IGSF22: variants seen among roughly 807,000 people sequenced by gnomAD.
IGSF22 encodes the protein immunoglobulin superfamily, member 22.
IGSF22 carries 119 observed loss-of-function variants against 127.0 expected under a neutral mutation model. The observed-to-expected ratio is 0.94, with a 90% confidence interval of 0.81 to 1.09. The LOEUF (loss-of-function observed/expected upper bound fraction) is 1.09. IGSF22 is among the 50% of genes least tolerant of loss of function. The pLI is 0.00. For synonymous variants in IGSF22, 568 were observed against 664.7 expected (o/e 0.85, Z 2.24); for missense variants, 1,518 against 1,716.6 (o/e 0.88, Z 2.04).
chr11:18,710,252 C>T lies in IGSF22; in HGVS notation c.2701+75G>A, dbSNP rs149863874. On this transcript the variant is annotated intron_variant, in intron 17 of 22. Coordinates refer to ENST00000513874, the MANE Select transcript of IGSF22 (RefSeq NM_173588.4). ...TGTGATACCTCGTGTCATACTTTCC[C>T]GGGGAAGAAATTCTTTCTCTACTTT... is the stretch of plus-strand genomic sequence containing the variant. 1.6e-5 allele frequency: 25 copies of T among 1,576,654 alleles called. No homozygotes were observed. The African/African-American group carries it at 2.3e-4, about 14-fold the overall frequency.
chr11:18,714,456 C>T (rs1848421193), intron 12 of IGSF22, 38 bp from the exon 13 acceptor site: 1 of 1,614,014 alleles, frequency 6.2e-7, no homozygotes, highest in African/African-American at 1.3e-5. Context: ...GAGCATAGGC[C>T]AGGTCTACCT....
rs777557395 is a variant in IGSF22, at chr11:18,716,926, G to A, written c.1048C>T (p.Arg350Cys). 29 of 1,614,142 alleles carry A rather than the reference G, an allele frequency of 1.8e-5. No individual in the cohort carries two copies. Among genetic ancestry groups the A allele is most frequent in the Admixed American group, 1.5e-4 (9 of 60,018 alleles). The stretch of plus-strand genomic sequence containing the variant: ...AAGTTGGGCTCTTTCTTGGAGAGGC[G>A]GATCTCAAACACAGCTGTCTGGCGC... ...TERQTAVFEIRLSKKEPNFVW... is the reference protein window; with the variant it reads ...TERQTAVFEICLSKKEPNFVW... The change falls in exon 10 of 23, where the codon CGC (arginine) becomes TGC (cysteine). Residue 350 changes from arginine (R) to cysteine (C), a missense_variant. Coordinates refer to ENST00000513874, the MANE Select transcript of IGSF22 (RefSeq NM_173588.4). The surrounding 1 kb of genome is among the most constrained non-coding windows in gnomAD (Gnocchi z 4.5).
rs764141599 is a variant in IGSF22, at chr11:18,714,577, T to A, written c.1579A>T (p.Thr527Ser). ...ACACACAACTCAGCTGGGCTCCCAG[T>A]GGCCGCGTGCACGTCGGACATCCCG... is the stretch of plus-strand genomic sequence containing the variant. ...KSGMSDVHAA[T>S]GSPAELCVVL... The change falls in exon 12 of 23, where the codon ACT becomes TCT. Residue 527 changes from threonine (T) to serine (S), a missense_variant. Around this residue, in one of 3 missense-constraint regions of IGSF22, gnomAD observed 1,456 missense variants for 1,644.9 expected, o/e 0.89. Coordinates refer to ENST00000513874, the MANE Select transcript of IGSF22 (RefSeq NM_173588.4). 4 of 1,614,042 alleles carry A rather than the reference T, an allele frequency of 2.5e-6. No homozygotes were observed. The highest frequency in any genetic ancestry group is 2.5e-6 in the Non-Finnish European group (3 of 1,180,034).
At chr11:18,722,883 A>C (rs1848597852) in intron 2 of IGSF22, among the ~76,000 whole-genome samples, 1 of 152,208 alleles carries the variant, frequency 6.6e-6, no homozygotes, top group Non-Finnish European at 1.5e-5. Context: ...AAGAGGTCTC[A>C]AACAGGCAGA....
chr11:18,712,020 T>C lies in IGSF22; in HGVS notation c.2398+62A>G, dbSNP rs1848366098. The C allele has an allele frequency of 2.2e-6, 3 of 1,393,826 alleles. No individual in the cohort carries two copies. The African/African-American group carries it at 4.3e-5, about 20-fold the overall frequency. 86.3% of individuals were successfully genotyped at this position (1,393,826 alleles called of 1,614,324 possible). ...TTCCCCACAGATCAGTGTTCCTTCC[T>C]GGCTTAAGGTCTCCATGCTGACCCC... On this transcript the variant is annotated intron_variant, in intron 15 of 22. Transcript: ENST00000513874.
At chr11:18,705,764 C>T in intron 22 of IGSF22, 53 bp downstream of exon 22, 1 of 1,458,658 alleles carries the variant, frequency 6.9e-7, no homozygotes, top group Non-Finnish European at 9.2e-7. Context: ...CCCACAAGAC[C>T]AGCCTTTTGC....
At chr11:18,705,738 A>G in intron 22 of IGSF22, 79 bp downstream of exon 22, 2 of 1,309,578 alleles carry the variant, frequency 1.5e-6, no homozygotes, top group Non-Finnish European at 2.1e-6. Flanking sequence ...GTGCCAGCCA[A>G]ATAGTTGACC....
chr11:18,720,006 G>C, intron 6 of IGSF22, 58 bp downstream of exon 6: 1 of 1,611,730 alleles, frequency 6.2e-7, no homozygotes, highest in Non-Finnish European at 8.5e-7. Flanking sequence ...AGGCCTTTGA[G>C]AGGCTTTGGC....
intron 20 of IGSF22, 107 bp downstream of exon 20, chr11:18,707,697 C>A (rs2134157355): frequency 3.4e-6 from 3 of 886,424 alleles, no homozygotes; most frequent in Middle Eastern, 6.8e-4. Flanking sequence ...ATCTTCATGG[C>A]CCTAAGGCAT....
chr11:18,723,614 C>T (rs373345889), intron 2 of IGSF22, among the ~76,000 whole-genome samples: 2 of 152,362 alleles, frequency 1.3e-5, no homozygotes, highest in South Asian at 4.1e-4. Context: ...TCTCAGCTTT[C>T]CCTTGGATCT....
rs1438034933 is a variant in IGSF22 at position 18,724,113 on chromosome 11, C to G, written c.109+15G>C. Reference sequence around the variant, plus strand: ...CTGCCCTTCCCGATCCCTTCCCTGCCCCCATTCCACTTGCCTCCCACGATC... The same window carrying G: ...CTGCCCTTCCCGATCCCTTCCCTGCGCCCATTCCACTTGCCTCCCACGATC... On this transcript the variant is annotated intron_variant, in intron 2 of 22. Transcript: ENST00000513874. 6.3e-7 allele frequency: 1 copy of G among 1,599,126 alleles called. No individual in the cohort carries two copies. Among genetic ancestry groups the G allele is most frequent in the Admixed American group, 1.7e-5 (1 of 59,966 alleles).
Position 18,714,124 on chromosome 11 carries a change from A to G in IGSF22, c.1823T>C (p.Val608Ala), listed in dbSNP as rs1848411275. Residue 608 changes from valine (V) to alanine (A), a missense_variant, in exon 14 of 23, where the codon GTA becomes GCA. Val to Ala is a moderately conservative substitution (Grantham distance 64). Around this residue, in one of 3 missense-constraint regions of IGSF22, gnomAD observed 1,456 missense variants for 1,644.9 expected, o/e 0.89. Coordinates refer to ENST00000513874, the MANE Select transcript of IGSF22 (RefSeq NM_173588.4). ...IADPPTIDPS[V>A]LEALAAHAIT... ...GGCGTGCGCAGCCAGTGCCTCCAGT[A>G]CTGACGGGTCGATGGTAGGAGGATC... 1.2e-6 allele frequency: 2 copies of G among 1,613,206 alleles called. No individual in the cohort carries two copies. Among genetic ancestry groups the G allele is most frequent in the Non-Finnish European group, 1.7e-6 (2 of 1,179,266 alleles).
chr11:18,705,781 C>A, intron 22 of IGSF22, 36 bp downstream of exon 22: 1 of 1,501,272 alleles, frequency 6.7e-7, no homozygotes, highest in Non-Finnish European at 8.9e-7. Context: ...TTGCGCCTCT[C>A]CCCCTCCTCG....
rs2134156717 is a variant in IGSF22 at position 18,707,156 on chromosome 11, G to A, written c.3338C>T (p.Thr1113Ile). ...RLFEEVPNTV[T>I]LTWNHSPDVQ... The stretch of plus-strand genomic sequence containing the variant: ...ATCTGGGCTGTGGTTCCAGGTCAGA[G>A]TCACTGTGTTGGGGACTTCCTCAAA... The change falls in exon 21 of 23, where the codon ACT (threonine) becomes ATT (isoleucine). Residue 1113 changes from threonine (T) to isoleucine (I), a missense_variant. This residue lies in a region of IGSF22 where 1,456 missense variants were observed against 1,644.9 expected (regional missense o/e 0.89). Transcript: ENST00000513874. The A allele has an allele frequency of 6.4e-7, 1 of 1,551,300 alleles. No individual in the cohort carries two copies. Among genetic ancestry groups the A allele is most frequent in the South Asian group, 1.2e-5 (1 of 83,994 alleles).
At position 18,706,739 on chromosome 11, in the gene IGSF22, A is replaced by G. The variant is rs906449849; in HGVS notation, c.3580+175T>C. ...CCACCTCCACTTTAGTCTCACCCCT[A>G]AGTACCCCGAAGAAAGCCAATATTT... On this transcript the variant is annotated intron_variant, in intron 21 of 22. Transcript: ENST00000513874. 2.1e-5 allele frequency: 12 copies of G among 580,992 alleles called. No homozygotes were observed. The African/African-American group carries it at 2.2e-4, about 11-fold the overall frequency. The allele number at this position is 580,992 out of a possible 1,614,324, so 36.0% of individuals were successfully genotyped here.
At chr11:18,708,678 T>G (rs955139814) in intron 18 of IGSF22, among the ~76,000 whole-genome samples, 6 of 152,224 alleles carry the variant, frequency 3.9e-5, no homozygotes, top group Non-Finnish European at 8.8e-5. Context: ...AAGCTAATGT[T>G]GGGAGAGACA....
At chr11:18,721,479 T>TG (rs1310727437) in intron 4 of IGSF22, 56 bp downstream of exon 4, 1 of 1,611,540 alleles carries the variant, frequency 6.2e-7, no homozygotes, top group Non-Finnish European at 8.5e-7. Context: ...CGGCCCGCCC[T>TG]GGGGGTCCCT....
intron 3 of IGSF22, 33 bp downstream of exon 3, chr11:18,721,876 AC>A (rs1258969688): frequency 1.9e-6 from 3 of 1,609,918 alleles, no homozygotes; most frequent in African/African-American, 1.3e-5. Context: ...AAAGCGAAGC[AC>A]TGGAGCCCGG....
In IGSF22 at chr11:18,710,738, C is replaced by G. The variant is rs1487240681; in HGVS notation, c.2489G>C (p.Gly830Ala). 1 of 1,614,030 alleles carries G rather than the reference C, an allele frequency of 6.2e-7. No homozygotes were observed. Among genetic ancestry groups the G allele is most frequent in the African/African-American group, 1.3e-5 (1 of 74,928 alleles). Residue 830 changes from glycine to alanine, a missense_variant, in exon 16 of 23, where the codon GGA becomes GCA. Transcript: ENST00000513874. ...TACAATGTAGCCGAGCACTGGGGCT[C>G]CCCCATCCTGGGTAGGGGCATTCCA... ...ITWNAPTQDG[G>A]APVLGYIVER...
Sources: gnomAD v4.1 joint callset for allele counts (sites outside exome capture counted in the v4.1 genomes callset) on GRCh38, gnomAD v4.1.1 for gene constraint, gnomAD v4.1.1 regional missense constraint, Gnocchi (gnomAD v3.1) non-coding constraint, MANE v1.5 for transcripts, NCBI Gene and HGNC (gene_info 2026-07-23, HGNC 2026-07-21) for gene names.